PKD2L1: variants seen among roughly 807,000 people sequenced by gnomAD.
PKD2L1 encodes polycystin-2-like protein 1.
In PKD2L1, 77 loss-of-function variants were observed where a neutral mutation model predicts 93.0. That is an observed-to-expected ratio of 0.83 (90% CI 0.69 to 1.00). The LOEUF is 1.00. PKD2L1 is among the 50% of genes least tolerant of loss of function. PKD2L1 has a pLI of 0.00. For missense variants in PKD2L1, 977 were observed against 990.9 expected (o/e 0.99, Z 0.19); for synonymous variants, 390 against 388.0 (o/e 1.01, Z -0.06).
chr10:100,298,888 C>T, intron 3 of PKD2L1, 73 bp from the exon 4 acceptor site: 1 of 1,372,540 alleles, frequency 7.3e-7, no homozygotes, highest in Non-Finnish European at 9.9e-7. Context: ...CCTTTGCCCT[C>T]ATCCTCTGAC....
intron 1 of PKD2L1, 133 bp downstream of exon 1, chr10:100,329,736 T>A: frequency 1.5e-6 from 1 of 660,984 alleles, no homozygotes; most frequent in Non-Finnish European, 2.6e-6. Flanking sequence ...CATGGGCAAT[T>A]CATACACCCC....
chr10:100,289,900 C>T, intron 14 of PKD2L1, 115 bp downstream of exon 14: 2 of 1,193,608 alleles, frequency 1.7e-6, no homozygotes, highest in East Asian at 2.3e-5. Flanking sequence ...ACATGTTTCC[C>T]CAGGAGCCTG....
At chr10:100,312,419 A>G (rs573862667) in intron 2 of PKD2L1, among the ~76,000 whole-genome samples, 6 of 152,220 alleles carry the variant, frequency 3.9e-5, no homozygotes, top group Non-Finnish European at 8.8e-5. Flanking sequence ...CAGACTGATG[A>G]TGATTATTCT....
intron 2 of PKD2L1, among the ~76,000 whole-genome samples, chr10:100,305,221 C>G (rs1418278708): frequency 6.6e-6 from 1 of 151,686 alleles, no homozygotes; most frequent in Non-Finnish European, 1.5e-5. Context: ...AAGCTATTCT[C>G]CTGCCTCAGG....
chr10:100,301,972 A>G (rs1364381747), intron 2 of PKD2L1, among the ~76,000 whole-genome samples: 3 of 152,154 alleles, frequency 2.0e-5, no homozygotes, highest in African/African-American at 7.2e-5. Flanking sequence ...AGTAGCTGGG[A>G]TTACAGGCAT....
chr10:100,324,420 T>C (rs1266593423), intron 2 of PKD2L1, among the ~76,000 whole-genome samples: 1 of 152,226 alleles, frequency 6.6e-6, no homozygotes, highest in Non-Finnish European at 1.5e-5. Context: ...TCCTCTGTGC[T>C]TTACCTATTC....
intron 6 of PKD2L1, 125 bp downstream of exon 6, chr10:100,296,855 T>C (rs1329445874): frequency 1.1e-5 from 7 of 639,262 alleles, no homozygotes; most frequent in African/African-American, 1.8e-5. Flanking sequence ...AGCTGTTAAA[T>C]GATGATTTGA....
chr10:100,323,991 C>T (rs1298011432), intron 2 of PKD2L1, among the ~76,000 whole-genome samples: 1 of 152,054 alleles, frequency 6.6e-6, no homozygotes, highest in Non-Finnish European at 1.5e-5. Context: ...TCACGCCTGG[C>T]TAATTTTTGT....
At chr10:100,296,048 A>G (rs1012726865) in intron 7 of PKD2L1, 74 bp downstream of exon 7, 14 of 1,362,608 alleles carry the variant, frequency 1.0e-5, no homozygotes, top group Non-Finnish European at 1.4e-5. Context: ...AAAAAAAAAA[A>G]GAAAAAAAAG....
Position 100,296,114 on chromosome 10 carries a change from C to A in PKD2L1, c.1356+8G>T, listed in dbSNP as rs376129958. On this transcript the variant is annotated splice_region_variant and intron_variant, in intron 7 of 15. Transcript: ENST00000318222. The stretch of plus-strand genomic sequence containing the variant: ...TGAAGCAAAGCTGGGTGTGGGAATC[C>A]CAGGTACCTTGATCCAGGCGAAGAA... The A allele has an allele frequency of 1.9e-6, 3 of 1,602,650 alleles. No individual in the cohort carries two copies. In the African/African-American group the frequency reaches 4.1e-5, roughly 22 times the overall value.
chr10:100,302,236 TAC>T (rs371466280), intron 2 of PKD2L1, among the ~76,000 whole-genome samples: 214 of 120,418 alleles, frequency 1.8e-3, no homozygotes, highest in African/African-American at 5.6e-3. Flanking sequence ...TATTCATGCA[TAC>T]ACACACACAC....
chr10:100,310,619 TCTC>T (rs1848912336), intron 2 of PKD2L1, among the ~76,000 whole-genome samples: 1 of 152,002 alleles, frequency 6.6e-6, no homozygotes, highest in Non-Finnish European at 1.5e-5. Context: ...CACACACACT[TCTC>T]CTAAAATTGC....
intron 2 of PKD2L1, among the ~76,000 whole-genome samples, chr10:100,318,709 T>TG (rs562090472): frequency 1.3e-3 from 194 of 151,538 alleles, no homozygotes; most frequent in African/African-American, 4.5e-3. Context: ...TTAGTAGAGA[T>TG]GGGGTTTCAC....
In PKD2L1 at chr10:100,293,306, A is replaced by C; in HGVS notation, c.1733T>G (p.Leu578Arg). ...CTGTTTCAGGAGGTCAGAAAGTTGC[A>C]GCTCATCCTTCTGTCCAGCCAGCTC... is the stretch of plus-strand genomic sequence containing the variant. Reference protein sequence around the residue: ...KEELAGQKDELQLSDLLKQGY... With the variant: ...KEELAGQKDERQLSDLLKQGY... The change falls in exon 10 of 16, where the codon CTG (leucine) becomes CGG (arginine). Residue 578 changes from leucine (L) to arginine (R), a missense_variant. Transcript: ENST00000318222. The C allele has an allele frequency of 6.2e-7, 1 of 1,612,224 alleles. No individual in the cohort carries two copies. The highest frequency in any genetic ancestry group is 8.5e-7 in the Non-Finnish European group (1 of 1,178,220).
At position 100,297,506 on chromosome 10, in the gene PKD2L1, G is replaced by T. The variant is rs765620148; in HGVS notation, c.832C>A (p.Arg278=). ...GGYYLDLPGS[R]QGSAEALRAL... is the part of the protein sequence containing the mutation. ...CGGAGAGCCTCTGCACTACCCTGTCGGGATCCTGGAAGGTCCAGGTAGTAG... is the reference window on the plus strand; with the variant it reads ...CGGAGAGCCTCTGCACTACCCTGTCTGGATCCTGGAAGGTCCAGGTAGTAG... Residue 278 remains arginine (R), a synonymous_variant, in exon 5 of 16, where the codon CGA becomes AGA. Coordinates refer to ENST00000318222, the MANE Select transcript of PKD2L1 (RefSeq NM_016112.3). The T allele has an allele frequency of 1.2e-6, 2 of 1,614,068 alleles. No individual in the cohort carries two copies. The highest frequency in any genetic ancestry group is 1.7e-5 in the Admixed American group (1 of 60,022).
intron 2 of PKD2L1, among the ~76,000 whole-genome samples, chr10:100,317,665 AT>A (rs1164489202): frequency 6.6e-6 from 1 of 152,230 alleles, no homozygotes; most frequent in African/African-American, 2.4e-5. Flanking sequence ...GCAATATGTT[AT>A]TTTGGTTGAA....
intron 2 of PKD2L1, among the ~76,000 whole-genome samples, chr10:100,315,011 GA>G (rs1254868075): frequency 1.0e-4 from 1 of 9,706 alleles, no homozygotes; most frequent in Admixed American, 1.5e-3. Flanking sequence ...AGGAAGGAAG[GA>G]AGGGAAGGGA....
chr10:100,289,634 T>C (rs1228298139), intron 14 of PKD2L1, among the ~76,000 whole-genome samples: 1 of 152,206 alleles, frequency 6.6e-6, no homozygotes, highest in East Asian at 1.9e-4. Flanking sequence ...AAGACAGCTC[T>C]CTATGAATCA....
chr10:100,321,746 AGAAAGAAAGAAG>A (rs1338961576), intron 2 of PKD2L1, among the ~76,000 whole-genome samples: 420 of 6,448 alleles, frequency 0.065, 74 homozygotes, highest in Non-Finnish European at 0.097. Context: ...AAAGAAAGAA[AGAAAGAAAGAAG>A]GGAGGGAGGG....
Sources: gnomAD v4.1 joint callset for allele counts (sites outside exome capture counted in the v4.1 genomes callset) on GRCh38, gnomAD v4.1.1 for gene constraint, MANE v1.5 for transcripts, NCBI Gene and HGNC (gene_info 2026-07-23, HGNC 2026-07-21) for gene names.